Variants in GPC6 observed in about 807,000 individuals in gnomAD.
The protein encoded by GPC6 is glypican-6.
Under a neutral mutation model 55.2 loss-of-function variants are expected in GPC6, and 14 were observed. The observed-to-expected ratio is 0.25, with a 90% CI of 0.17 to 0.40. The LOEUF (loss-of-function observed/expected upper bound fraction) is 0.40. GPC6 is among the 10% of genes least tolerant of loss of function. The pLI, the probability that GPC6 is intolerant of heterozygous loss-of-function variation, is 1.00. For missense variants in GPC6, 641 were observed against 708.5 expected, an observed-to-expected ratio of 0.90 and a Z score of 1.08; for synonymous variants, 278 against 259.6, an observed-to-expected ratio of 1.07 and a Z score of -0.68.
At chr13:93,507,563 T>C (rs1471974421) in intron 1 of GPC6, among the ~76,000 whole-genome samples, 3 of 152,242 alleles carry the variant, frequency 2.0e-5, no homozygotes, top group Admixed American at 6.5e-5. Flanking sequence ...TTCAGTATTA[T>C]GGATAATGAT....
intron 1 of GPC6, among the ~76,000 whole-genome samples, chr13:93,531,185 G>C (rs953923040): frequency 6.6e-6 from 1 of 151,936 alleles, no homozygotes; most frequent in Non-Finnish European, 1.5e-5. Flanking sequence ...GGAGTCCCAA[G>C]TGTCTGTATC....
intron 1 of GPC6, among the ~76,000 whole-genome samples, chr13:93,322,683 G>A (rs1426833911): frequency 3.3e-5 from 5 of 151,470 alleles, no homozygotes; most frequent in Admixed American, 2.0e-4. Context: ...CAGGTGATCC[G>A]CCCGCCTCAG....
chr13:93,450,428 C>A (rs1566364098), intron 1 of GPC6, among the ~76,000 whole-genome samples: 1 of 152,166 alleles, frequency 6.6e-6, no homozygotes, highest in Admixed American at 6.5e-5. Context: ...TGGAATTGAG[C>A]CATAAGTGCT....
chr13:93,286,002 G>T (rs1358931291), intron 1 of GPC6, among the ~76,000 whole-genome samples: 2 of 152,264 alleles, frequency 1.3e-5, no homozygotes, highest in South Asian at 2.1e-4. Flanking sequence ...AGTGTTTTCA[G>T]AGTTGTGCCA....
chr13:93,946,019 A>G (rs1265995851), intron 3 of GPC6, among the ~76,000 whole-genome samples: 3 of 152,202 alleles, frequency 2.0e-5, no homozygotes, highest in African/African-American at 7.2e-5. Context: ...ATCTGCATTA[A>G]TAACAAAATT....
Position 93,545,886 on chromosome 13 carries a change from G to C in GPC6, c.319+465G>C, listed in dbSNP as rs577429273. 3.9e-5 allele frequency among the ~76,000 whole-genome samples: 6 copies of C among 152,228 alleles called. No homozygotes were observed. In the South Asian group the frequency reaches 1.0e-3, roughly 26 times the overall value. ...TAGACTTTGCCATTGCAATCATATA[G>C]CACATTTTACATTGCAGTTATGCAT... On this transcript the variant is annotated intron_variant, in intron 2 of 8. Transcript: ENST00000377047.
At chr13:94,399,667 A>G (rs536598967) in intron 8 of GPC6, among the ~76,000 whole-genome samples, 2 of 152,298 alleles carry the variant, frequency 1.3e-5, no homozygotes, top group African/African-American at 4.8e-5. Flanking sequence ...CAGCCTACCA[A>G]GTTATCCCCT....
chr13:94,112,276 T>A (rs1398049836), intron 4 of GPC6, among the ~76,000 whole-genome samples: 4 of 152,196 alleles, frequency 2.6e-5, no homozygotes, highest in Non-Finnish European at 4.4e-5. Flanking sequence ...CCTAGAGGGC[T>A]ACCAATTCAC....
intron 4 of GPC6, among the ~76,000 whole-genome samples, chr13:94,146,843 T>C (rs1437168977): frequency 1.3e-5 from 2 of 152,214 alleles, no homozygotes; most frequent in East Asian, 3.8e-4. Flanking sequence ...TGAGCGTTGA[T>C]AATTATTTTA....
intron 3 of GPC6, among the ~76,000 whole-genome samples, chr13:93,839,642 G>A (rs1280841634): frequency 1.3e-5 from 2 of 152,106 alleles, no homozygotes; most frequent in Non-Finnish European, 2.9e-5. Flanking sequence ...GGGTAGGCAA[G>A]GTATGTGATA....
In GPC6 at chr13:93,283,604, G is replaced by A. The variant is rs542400287; in HGVS notation, c.160+55988G>A. 8.5e-5 allele frequency among the ~76,000 whole-genome samples: 13 copies of A among 152,266 alleles called. No individual in the cohort carries two copies. The South Asian group carries it at 2.7e-3, about 32-fold the overall frequency. On this transcript the variant is annotated intron_variant, in intron 1 of 8. Transcript: ENST00000377047. ...TTGGCAAAGAACAAAACACCCAAAA[G>A]CCAAAAGGGACAGGTACACAGTTTG...
At chr13:93,750,986 G>A (rs1478615994) in intron 2 of GPC6, among the ~76,000 whole-genome samples, 5 of 152,088 alleles carry the variant, frequency 3.3e-5, no homozygotes, top group Non-Finnish European at 7.4e-5. Flanking sequence ...CAAAACCAGT[G>A]TGCAAAAGGA....
rs112526035 is a variant in GPC6, at chr13:94,131,215, A to G, written c.877+103321A>G. Among the ~76,000 whole-genome samples, 1,363 of 152,246 alleles carry G rather than the reference A, an allele frequency of 9.0e-3. 18 individuals are homozygous for G. Among genetic ancestry groups the G allele is most frequent in the African/African-American group, 0.031 (1,302 of 41,566 alleles). On this transcript the variant is annotated intron_variant, in intron 4 of 8. Transcript: ENST00000377047. The stretch of plus-strand genomic sequence containing the variant: ...AGGACTGCATTTATGATCTGTGATA[A>G]GTATATATTTTCTGGAATGCCGAAA...
chr13:93,224,988 T>C (rs1566529743), upstream of GPC6, among the ~76,000 whole-genome samples: 1 of 152,240 alleles, frequency 6.6e-6, no homozygotes, highest in Non-Finnish European at 1.5e-5. Context: ...AGTCTAGTGC[T>C]ATAAAGTTGT....
intron 2 of GPC6, among the ~76,000 whole-genome samples, chr13:93,622,436 T>C (rs1009266286): frequency 2.0e-5 from 3 of 152,096 alleles, no homozygotes; most frequent in Admixed American, 6.5e-5. Context: ...ACCACGTGTG[T>C]AAGTGTTCCC....
chr13:93,887,993 A>T (rs1875448990), intron 3 of GPC6, among the ~76,000 whole-genome samples: 1 of 152,146 alleles, frequency 6.6e-6, no homozygotes. Context: ...CCATAGCATA[A>T]GTCACATGAC....
chr13:93,845,202 C>G (rs1266965400), intron 3 of GPC6, among the ~76,000 whole-genome samples: 22 of 151,956 alleles, frequency 1.4e-4, no homozygotes, highest in Non-Finnish European at 3.1e-4. Context: ...CAAAAGAAGA[C>G]ATTTATGCAG....
chr13:94,316,716 C>CA (rs56304226), intron 6 of GPC6, among the ~76,000 whole-genome samples: 1,551 of 104,820 alleles, frequency 0.015, 24 homozygotes, highest in African/African-American at 0.04. Context: ...GACTCCGTCT[C>CA]AAAAAAAAAA....
intron 4 of GPC6, among the ~76,000 whole-genome samples, chr13:94,088,540 GAGAGGGA>G (rs1885365669): frequency 2.8e-5 from 1 of 35,874 alleles, no homozygotes; most frequent in Non-Finnish European, 6.2e-5. Context: ...AAAAGAAAAA[GAGAGGGA>G]AGGGAAGGGA....
Sources: gnomAD v4.1 joint callset for allele counts (sites outside exome capture counted in the v4.1 genomes callset) on GRCh38, gnomAD v4.1.1 for gene constraint, MANE v1.5 for transcripts, NCBI Gene and HGNC (gene_info 2026-07-23, HGNC 2026-07-21) for gene names.